ANKRD42: variants seen among roughly 807,000 people sequenced by gnomAD.
The protein encoded by ANKRD42 is ankyrin repeat domain 42, also known as ankyrin repeat domain-containing protein 42.
ANKRD42 carries 43 observed loss-of-function variants against 51.5 expected under a neutral mutation model. That is an observed-to-expected ratio of 0.83 (90% CI 0.65 to 1.08). The LOEUF is 1.08. Ranked by LOEUF, ANKRD42 falls within the 50% of genes least tolerant of loss-of-function variation. ANKRD42 has a pLI of 0.00. For missense variants in ANKRD42, 608 were observed against 629.3 expected, an observed-to-expected ratio of 0.97 and a Z score of 0.36; for synonymous variants, 203 against 213.0, an observed-to-expected ratio of 0.95 and a Z score of 0.41.
Position 83,224,860 on chromosome 11 carries a change from T to C in ANKRD42, c.592T>C (p.Leu198=), listed in dbSNP as rs201965120. The C allele has an allele frequency of 1.8e-5, 29 of 1,594,918 alleles. No homozygotes were observed. In the South Asian group the frequency reaches 3.4e-4, roughly 19 times the overall value. The stretch of plus-strand genomic sequence containing the variant: ...TTTTTTTTCCTTTCCTCTAGTTCAC[T>C]TAGCAGCCATGGAAGGCCACCTTCA... ...VDYNGNLPVH[L]AAMEGHLHCF... The change falls in exon 6 of 11, where the codon TTA becomes CTA. Residue 198 remains leucine, a synonymous_variant. Transcript: ENST00000533342.
Position 83,194,377 on chromosome 11 carries a change from T to TA in ANKRD42, c.-294_-293insA. On this transcript the variant is annotated 5_prime_UTR_variant, in exon 1 of 11. Coordinates refer to ENST00000533342, the MANE Select transcript of ANKRD42 (RefSeq NM_001300975.2). ...CGAAGGCGGCCACAGCGTTGGTAGT[T>TA]CTTGGGAGGAAGTAAGTGGAGACCG... 1.6e-6 allele frequency: 1 copy of TA among 630,844 alleles called. No individual in the cohort carries two copies. The highest frequency in any genetic ancestry group is 2.9e-6 in the Non-Finnish European group (1 of 339,656). The allele number at this position is 630,844 out of a possible 1,614,324, so 39.1% of individuals were successfully genotyped here.
chr11:83,263,487 G>A (rs1332300429), downstream of ANKRD42, among the ~76,000 whole-genome samples: 1 of 152,150 alleles, frequency 6.6e-6, no homozygotes, highest in Non-Finnish European at 1.5e-5. Flanking sequence ...ATGCTTAGGT[G>A]AGCATATGCC....
intron 3 of ANKRD42, chr11:83,209,733 C>T: frequency 1.5e-6 from 1 of 675,356 alleles, no homozygotes; most frequent in Non-Finnish European, 2.7e-6. Context: ...TCTTGTTTCT[C>T]ACTTTCATAT....
chr11:83,246,147 C>T (rs757960472), intron 10 of ANKRD42, among the ~76,000 whole-genome samples: 7 of 152,178 alleles, frequency 4.6e-5, no homozygotes, highest in African/African-American at 7.2e-5. Context: ...GTGGGCTCCA[C>T]ATCATGGATG....
chr11:83,244,685 A>G (rs1863489726), intron 9 of ANKRD42, among the ~76,000 whole-genome samples: 1 of 152,218 alleles, frequency 6.6e-6, no homozygotes, highest in Non-Finnish European at 1.5e-5. Context: ...CCACTGCCAT[A>G]AAGGATGGAG....
chr11:83,241,028 G>T, intron 9 of ANKRD42, 94 bp downstream of exon 9: 1 of 1,342,212 alleles, frequency 7.5e-7, no homozygotes, highest in South Asian at 1.5e-5. Context: ...GACAAATACT[G>T]CCTACAAAGT....
intron 7 of ANKRD42, among the ~76,000 whole-genome samples, chr11:83,234,415 T>C (rs1265304060): frequency 6.6e-6 from 1 of 152,230 alleles, no homozygotes; most frequent in East Asian, 1.9e-4. Context: ...AAACTTGGTC[T>C]TAAATCTTAA....
exon 12 of ANKRD42, chr11:83,256,087 A>T (rs1863768405): frequency 1.9e-6 from 1 of 538,804 alleles, no homozygotes; most frequent in Non-Finnish European, 3.1e-6. Context: ...AGATTTAGAG[A>T]TTTTTTAAAT....
At chr11:83,246,562 A>G (rs1863548552) in intron 10 of ANKRD42, among the ~76,000 whole-genome samples, 1 of 152,184 alleles carries the variant, frequency 6.6e-6, no homozygotes, top group Non-Finnish European at 1.5e-5. Flanking sequence ...GCAGAGAGAG[A>G]CAGGAGAGGG....
chr11:83,226,408 ATCT>A (rs1235490161), intron 6 of ANKRD42, among the ~76,000 whole-genome samples: 4 of 152,196 alleles, frequency 2.6e-5, no homozygotes, highest in African/African-American at 7.2e-5. Flanking sequence ...TAAAAATAAG[ATCT>A]TCTTGATACT....
At position 83,205,253 on chromosome 11, in the gene ANKRD42, A is replaced by G. The variant is rs1469778155; in HGVS notation, c.223-805A>G. 2.0e-5 allele frequency among the ~76,000 whole-genome samples: 3 copies of G among 152,262 alleles called. 1 individual carries two copies. The highest frequency in any genetic ancestry group is 2.0e-4 in the Admixed American group (3 of 15,288). On this transcript the variant is annotated intron_variant, in intron 2 of 10. Coordinates refer to ENST00000533342, the MANE Select transcript of ANKRD42 (RefSeq NM_001300975.2). ...GAACAATGCACATAATAGTCTTTTC[A>G]TAAATATTGTTGAATAAATGAATGA...
intron 5 of ANKRD42, 62 bp from the exon 6 acceptor site, chr11:83,224,793 A>G (rs1452735999): frequency 1.5e-6 from 2 of 1,304,366 alleles, no homozygotes; most frequent in East Asian, 5.2e-5. Flanking sequence ...CTAAATACAT[A>G]CATACATACA....
chr11:83,241,730 T>G (rs1365558573), intron 9 of ANKRD42, among the ~76,000 whole-genome samples: 2 of 152,178 alleles, frequency 1.3e-5, no homozygotes, highest in African/African-American at 4.8e-5. Flanking sequence ...CTACAAAATC[T>G]CAGCATATAG....
At chr11:83,221,201 A>G (rs908468858) in intron 5 of ANKRD42, among the ~76,000 whole-genome samples, 1 of 152,056 alleles carries the variant, frequency 6.6e-6, no homozygotes, top group Non-Finnish European at 1.5e-5. Flanking sequence ...AGTTTGGCAA[A>G]TATGTTTCTC....
chr11:83,202,071 G>A (rs185840843), intron 2 of ANKRD42, among the ~76,000 whole-genome samples: 1 of 152,222 alleles, frequency 6.6e-6, no homozygotes, highest in Non-Finnish European at 1.5e-5. Context: ...TTTGCCCATG[G>A]CTATGTCCAG....
chr11:83,259,249 A>C (rs1863830649), downstream of ANKRD42: 1 of 152,176 alleles, frequency 6.6e-6, no homozygotes, highest in Non-Finnish European at 1.5e-5. Flanking sequence ...TATAGTTTTA[A>C]GGCATATAGA....
intron 9 of ANKRD42, among the ~76,000 whole-genome samples, chr11:83,243,771 C>T (rs1222436376): frequency 6.6e-6 from 1 of 151,864 alleles, no homozygotes; most frequent in African/African-American, 2.4e-5. Flanking sequence ...ACGCCATTCT[C>T]CTCCCTCAGC....
At chr11:83,241,139 G>A (rs951468665) in intron 9 of ANKRD42, among the ~76,000 whole-genome samples, 3 of 152,184 alleles carry the variant, frequency 2.0e-5, no homozygotes, top group African/African-American at 7.2e-5. Flanking sequence ...CTGTCCCTCA[G>A]GGGGTGGAAA....
chr11:83,248,215 T>G lies in ANKRD42; in HGVS notation c.*11T>G. 6.8e-7 allele frequency: 1 copy of G among 1,477,564 alleles called. No homozygotes were observed. The highest frequency in any genetic ancestry group is 9.0e-7 in the Non-Finnish European group (1 of 1,116,658). 91.5% of individuals were successfully genotyped at this position (1,477,564 alleles called of 1,614,324 possible). A position where few individuals can be genotyped will look rare whatever the true frequency, so the allele number is the denominator to read the frequency against. ...TATAGTCTTTTTTGATTTGGGCTAC[T>G]CATTTAACCTTTTTGTGCCTCAACT... is the stretch of plus-strand genomic sequence containing the variant. On this transcript the variant is annotated 3_prime_UTR_variant, in exon 11 of 11. Coordinates refer to ENST00000533342, the MANE Select transcript of ANKRD42 (RefSeq NM_001300975.2).
Sources: allele counts gnomAD v4.1 joint callset (sites outside exome capture counted in the v4.1 genomes callset), GRCh38; gene constraint gnomAD v4.1.1; transcripts MANE v1.5; gene names NCBI Gene and HGNC (gene_info 2026-07-23, HGNC 2026-07-21).